PPFIA3: variants seen among roughly 807,000 people sequenced by gnomAD.
PPFIA3 encodes the protein liprin-alpha-3.
PPFIA3 carries 26 observed loss-of-function variants against 145.8 expected under a neutral mutation model. That is an observed-to-expected ratio of 0.18 (90% confidence interval 0.13 to 0.25). PPFIA3 has a LOEUF of 0.25. PPFIA3 is among the 10% of genes least tolerant of loss of function. PPFIA3 has a pLI of 1.00. For synonymous variants in PPFIA3, 645 were observed against 661.4 expected, an observed-to-expected ratio of 0.98 and a Z score of 0.38; for missense variants, 1,008 against 1,587.8, an observed-to-expected ratio of 0.63 and a Z score of 6.21.
chr19:49,143,136 A>G, intron 21 of PPFIA3, 132 bp downstream of exon 21: 1 of 1,045,374 alleles, frequency 9.6e-7, no homozygotes, highest in East Asian at 2.6e-5. Context: ...TACCCCCCTC[A>G]GCCTCCCCTC....
In PPFIA3 at chr19:49,150,629, T is replaced by G; in HGVS notation, c.*407T>G. ...CCTGCCCAGTCGCGGGGCCCAAGTCTTCCTTCTTCGTCCGAAAGGAGGGGA... is the reference window on the plus strand; with the variant it reads ...CCTGCCCAGTCGCGGGGCCCAAGTCGTCCTTCTTCGTCCGAAAGGAGGGGA... On this transcript the variant is annotated 3_prime_UTR_variant, in exon 30 of 30. Transcript: ENST00000334186. The G allele has an allele frequency of 6.5e-6, 1 of 154,076 alleles. No homozygotes were observed. Among genetic ancestry groups the G allele is most frequent in the Non-Finnish European group, 1.4e-5 (1 of 68,988 alleles). The allele number at this position is 154,076 out of a possible 1,614,324, so 9.5% of individuals were successfully genotyped here.
intron 13 of PPFIA3, among the ~76,000 whole-genome samples, chr19:49,135,539 A>T (rs960478964): frequency 1.3e-5 from 2 of 151,472 alleles, no homozygotes; most frequent in African/African-American, 2.4e-5. Context: ...CATCCAGCTA[A>T]TTTTTTTTAT....
chr19:49,128,777 G>A lies in PPFIA3; in HGVS notation c.343-71G>A. On this transcript the variant is annotated intron_variant, in intron 3 of 29. Transcript: ENST00000334186. This position sits in a 1 kb window ranked among gnomAD's most constrained non-coding sequence, Gnocchi z 4.1. ...TTTCCTCCATGTGTCCGCCCTACCT[G>A]TCACCCTTTTTCTCACATCTGCCCC... 7.1e-7 allele frequency: 1 copy of A among 1,405,454 alleles called. No individual in the cohort carries two copies. 87.1% of individuals were successfully genotyped at this position (1,405,454 alleles called of 1,614,324 possible). A position where few individuals can be genotyped will look rare whatever the true frequency, so the allele number is the denominator to read the frequency against.
chr19:49,129,951 T>C, intron 5 of PPFIA3, 42 bp from the exon 6 acceptor site: 1 of 1,601,004 alleles, frequency 6.2e-7, no homozygotes, highest in South Asian at 1.1e-5. Context: ...AGCTGGGGGT[T>C]CAGGGAGCCC....
At chr19:49,144,585 A>G (rs2041259649) in intron 21 of PPFIA3, among the ~76,000 whole-genome samples, 1 of 152,020 alleles carries the variant, frequency 6.6e-6, no homozygotes, top group Admixed American at 6.6e-5. Flanking sequence ...GTGGTGGCGT[A>G]TACCTGTAGT....
chr19:49,142,435 T>C (rs1185896661), intron 20 of PPFIA3, among the ~76,000 whole-genome samples: 1 of 151,990 alleles, frequency 6.6e-6, no homozygotes, highest in Non-Finnish European at 1.5e-5. Context: ...GCTTTTGTCA[T>C]TCCCCATATT....
At position 49,128,044 on chromosome 19, in the gene PPFIA3, G is replaced by A. The variant is rs775589921; in HGVS notation, c.171G>A (p.Gln57=). The A allele has an allele frequency of 6.3e-7, 1 of 1,595,358 alleles. No individual in the cohort carries two copies. The highest frequency in any genetic ancestry group is 1.3e-5 in the African/African-American group (1 of 74,936). ...CACAGGACGGGTTGGCTACAGCGCAGCTGCGGCTGCGCGAGCTCGGCCACG... is the reference window on the plus strand; with the variant it reads ...CACAGGACGGGTTGGCTACAGCGCAACTGCGGCTGCGCGAGCTCGGCCACG... ...REAQDGLATA[Q]LRLRELGHEK... Residue 57 remains glutamine (Q), a synonymous_variant, in exon 2 of 30, where the codon CAG becomes CAA. Coordinates refer to ENST00000334186, the MANE Select transcript of PPFIA3 (RefSeq NM_003660.4). This position sits in a 1 kb window ranked among gnomAD's most constrained non-coding sequence, Gnocchi z 4.1.
Position 49,130,587 on chromosome 19 carries a change from C to T in PPFIA3, c.867C>T (p.Arg289=), listed in dbSNP as rs1276042778. Residue 289 remains arginine, a synonymous_variant, in exon 7 of 30, where the codon CGC becomes CGT. Coordinates refer to ENST00000334186, the MANE Select transcript of PPFIA3 (RefSeq NM_003660.4). The surrounding 1 kb of genome is among the most constrained non-coding windows in gnomAD (Gnocchi z 4.5). ...KAEEANSKLQ[R]DLKEALAQRE... is the part of the protein sequence containing the mutation. Reference sequence around the variant, plus strand: ...AGGAAGCCAACTCCAAGCTGCAGCGCGACCTCAAGGAGGTGAGGCCCCCAG... The same window carrying T: ...AGGAAGCCAACTCCAAGCTGCAGCGTGACCTCAAGGAGGTGAGGCCCCCAG... 1.3e-6 allele frequency: 2 copies of T among 1,554,864 alleles called. No homozygotes were observed.
At chr19:49,150,006 C>A in intron 28 of PPFIA3, 74 bp from the exon 29 acceptor site, 1 of 1,506,150 alleles carries the variant, frequency 6.6e-7, no homozygotes, top group South Asian at 1.2e-5. Context: ...GAAGGGAAGT[C>A]CAAAGGGAGG....
At position 49,149,238 on chromosome 19, in the gene PPFIA3, C is replaced by T; in HGVS notation, c.3286-19C>T. The T allele has an allele frequency of 6.2e-7, 1 of 1,614,198 alleles. No individual in the cohort carries two copies. The highest frequency in any genetic ancestry group is 8.5e-7 in the Non-Finnish European group (1 of 1,180,032). On this transcript the variant is annotated intron_variant, in intron 26 of 29. Transcript: ENST00000334186. The surrounding 1 kb of genome is among the most constrained non-coding windows in gnomAD (Gnocchi z 5.7). ...GCAGACTGCACGCTCCAACCGCCCC[C>T]TCCACCTCCTCTTTCCAGGCCCGGC...
chr19:49,134,309 T>C (rs1279523732), intron 11 of PPFIA3, 144 bp downstream of exon 11: 4 of 1,175,392 alleles, frequency 3.4e-6, no homozygotes, highest in Non-Finnish European at 4.7e-6. Context: ...CCTTCTCTGC[T>C]CTATTGCCCA....
chr19:49,149,680 G>T lies in PPFIA3; in HGVS notation c.3488G>T (p.Gly1163Val). The T allele has an allele frequency of 6.2e-7, 1 of 1,613,238 alleles. No individual in the cohort carries two copies. The highest frequency in any genetic ancestry group is 8.5e-7 in the Non-Finnish European group (1 of 1,179,520). ...NFRSAAAGALGSPGLPLRKLQ... is the reference protein window; with the variant it reads ...NFRSAAAGALVSPGLPLRKLQ... Reference sequence around the variant, plus strand: ...CGTTCGGCTGCAGCGGGAGCCCTGGGCTCTCCGGGGCTCCCTCTCCGCAAG... The same window carrying T: ...CGTTCGGCTGCAGCGGGAGCCCTGGTCTCTCCGGGGCTCCCTCTCCGCAAG... The change falls in exon 28 of 30, where the codon GGC becomes GTC. Residue 1163 changes from glycine (G) to valine (V), a missense_variant. Gly to Val is a moderately radical substitution (Grantham distance 109, BLOSUM62 -3). Transcript: ENST00000334186. The surrounding 1 kb of genome is among the most constrained non-coding windows in gnomAD (Gnocchi z 5.7).
At chr19:49,136,462 G>A (rs151302023) in intron 14 of PPFIA3, among the ~76,000 whole-genome samples, 205 of 152,284 alleles carry the variant, frequency 1.3e-3, no homozygotes, top group African/African-American at 4.5e-3. Flanking sequence ...GGTAGCGGGC[G>A]CCTGTAATCC....
Position 49,146,207 on chromosome 19 carries a change from G to A in PPFIA3, c.2835+15G>A. 1 of 1,613,294 alleles carries A rather than the reference G, an allele frequency of 6.2e-7. No individual in the cohort carries two copies. The highest frequency in any genetic ancestry group is 8.5e-7 in the Non-Finnish European group (1 of 1,179,700). ...GCTGGGAGCAGGTAGGGGGCGCGGG[G>A]CGGGGCGTGAGCGCATGAACAGGCT... On this transcript the variant is annotated intron_variant, in intron 23 of 29. Transcript: ENST00000334186.
chr19:49,147,441 G>C (rs546957927), intron 23 of PPFIA3, among the ~76,000 whole-genome samples: 1 of 151,836 alleles, frequency 6.6e-6, no homozygotes, highest in Non-Finnish European at 1.5e-5. Flanking sequence ...ATCCCAGCAC[G>C]TTGGGAGGCT....
In PPFIA3 at chr19:49,128,096, A is replaced by T; in HGVS notation, c.223A>T (p.Ser75Cys). 6.4e-7 allele frequency: 1 copy of T among 1,560,304 alleles called. No individual in the cohort carries two copies. Among genetic ancestry groups the T allele is most frequent in the Non-Finnish European group, 8.6e-7 (1 of 1,161,300 alleles). The change falls in exon 2 of 30, where the codon AGC (serine) becomes TGC (cysteine). Residue 75 changes from serine (S) to cysteine (C), a missense_variant. By Grantham distance (112) the Ser-to-Cys change is moderately radical. Transcript: ENST00000334186. This position sits in a 1 kb window ranked among gnomAD's most constrained non-coding sequence, Gnocchi z 4.1. ...HEKDSLQRQL[S>C]IALPQEFAAL... Reference sequence around the variant, plus strand: ...GAAGGACTCGCTGCAGCGCCAGCTCAGCATCGCGCTGCCCCAGGTCTGGGC... The same window carrying T: ...GAAGGACTCGCTGCAGCGCCAGCTCTGCATCGCGCTGCCCCAGGTCTGGGC...
Position 49,149,320 on chromosome 19 carries a change from G to C in PPFIA3, c.3349G>C (p.Asp1117His). 3 of 1,614,052 alleles carry C rather than the reference G, an allele frequency of 1.9e-6. No homozygotes were observed. Among genetic ancestry groups the C allele is most frequent in the Non-Finnish European group, 2.5e-6 (3 of 1,180,034 alleles). The change falls in exon 27 of 30, where the codon GAC (aspartate) becomes CAC (histidine). Residue 1117 changes from aspartate (D) to histidine (H), a missense_variant. Coordinates refer to ENST00000334186, the MANE Select transcript of PPFIA3 (RefSeq NM_003660.4). The surrounding 1 kb of genome is among the most constrained non-coding windows in gnomAD (Gnocchi z 5.7). ...LISLGTDRRLDEDSAKSFSRS... is the reference protein window; with the variant it reads ...LISLGTDRRLHEDSAKSFSRS... The stretch of plus-strand genomic sequence containing the variant: ...CTCCTTAGGCACAGACAGGCGGCTG[G>C]ACGAGGTGGGCGCGGCAACAGCTCA...
At position 49,149,224 on chromosome 19, in the gene PPFIA3, G is replaced by T. The variant is rs775985818; in HGVS notation, c.3286-33G>T. 1 of 1,614,022 alleles carries T rather than the reference G, an allele frequency of 6.2e-7. No individual in the cohort carries two copies. The highest frequency in any genetic ancestry group is 2.2e-5 in the East Asian group (1 of 44,882). On this transcript the variant is annotated intron_variant, in intron 26 of 29. Transcript: ENST00000334186. This position sits in a 1 kb window ranked among gnomAD's most constrained non-coding sequence, Gnocchi z 5.7. Reference sequence around the variant, plus strand: ...GGCGTCCCCACCTCGCAGACTGCACGCTCCAACCGCCCCCTCCACCTCCTC... The same window carrying T: ...GGCGTCCCCACCTCGCAGACTGCACTCTCCAACCGCCCCCTCCACCTCCTC...
intron 15 of PPFIA3, 34 bp from the exon 16 acceptor site, chr19:49,138,171 C>T: frequency 6.5e-7 from 1 of 1,530,128 alleles, no homozygotes; most frequent in South Asian, 1.2e-5. Flanking sequence ...TCTGCTGCGG[C>T]CCCTCACCCA....
Sources: gnomAD v4.1 joint callset for allele counts (sites outside exome capture counted in the v4.1 genomes callset) on GRCh38, gnomAD v4.1.1 for gene constraint, Gnocchi (gnomAD v3.1) non-coding constraint, MANE v1.5 for transcripts, NCBI Gene and HGNC (gene_info 2026-07-23, HGNC 2026-07-21) for gene names.